PDSS2: variants seen among roughly 807,000 people sequenced by gnomAD.
PDSS2 encodes the protein all trans-polyprenyl-diphosphate synthase PDSS2.
A neutral mutation model predicts 44.5 loss-of-function variants in PDSS2; 31 were observed. That is an observed-to-expected ratio of 0.70 (90% confidence interval 0.52 to 0.94). The LOEUF (loss-of-function observed/expected upper bound fraction) is 0.94. Ranked by LOEUF, PDSS2 falls within the 40% of genes least tolerant of loss-of-function variation. The pLI, the probability that PDSS2 is intolerant of heterozygous loss-of-function variation, is 0.00. For synonymous variants in PDSS2, 157 were observed against 180.3 expected, an observed-to-expected ratio of 0.87 and a Z score of 1.03; for missense variants, 452 against 482.2, an observed-to-expected ratio of 0.94 and a Z score of 0.59.
intron 7 of PDSS2, among the ~76,000 whole-genome samples, chr6:107,169,443 G>C (rs1554248125): frequency 6.6e-6 from 1 of 152,148 alleles, no homozygotes; most frequent in Admixed American, 6.6e-5. Flanking sequence ...TTAGCTCGGA[G>C]AAGTCTGATC....
chr6:107,226,668 AT>A (rs61088823), intron 4 of PDSS2, among the ~76,000 whole-genome samples: 2,604 of 132,190 alleles, frequency 0.02, 47 homozygotes, highest in African/African-American at 0.062. Flanking sequence ...GGATTTTGGA[AT>A]TTTTTTTTTT....
intron 4 of PDSS2, among the ~76,000 whole-genome samples, chr6:107,222,137 A>G (rs970191466): frequency 2.6e-5 from 4 of 152,112 alleles, no homozygotes; most frequent in African/African-American, 4.8e-5. Flanking sequence ...AGCCTTTTCA[A>G]TTATTTTGAG....
intron 2 of PDSS2, among the ~76,000 whole-genome samples, chr6:107,283,155 T>A (rs1441514028): frequency 1.3e-5 from 2 of 150,440 alleles, no homozygotes; most frequent in Non-Finnish European, 3.0e-5. Flanking sequence ...CTCATCTCAA[T>A]GAAAAATGAA....
At chr6:107,296,145 G>T (rs1253166164) in intron 2 of PDSS2, among the ~76,000 whole-genome samples, 3 of 152,274 alleles carry the variant, frequency 2.0e-5, no homozygotes, top group Non-Finnish European at 2.9e-5. Flanking sequence ...TATGACACCT[G>T]AATAACAAGT....
chr6:107,308,362 G>A (rs924968531), intron 2 of PDSS2, among the ~76,000 whole-genome samples: 1 of 152,126 alleles, frequency 6.6e-6, no homozygotes, highest in East Asian at 1.9e-4. Context: ...CTATGTGTTA[G>A]ACCCTAGAAA....
At chr6:107,341,521 A>G (rs1160906417) in intron 1 of PDSS2, among the ~76,000 whole-genome samples, 1 of 152,136 alleles carries the variant, frequency 6.6e-6, no homozygotes, top group Non-Finnish European at 1.5e-5. Flanking sequence ...GAACTGACAG[A>G]TGAGCTTTTA....
intron 7 of PDSS2, among the ~76,000 whole-genome samples, chr6:107,164,829 T>C (rs539942333): frequency 4.1e-4 from 63 of 152,342 alleles, no homozygotes; most frequent in African/African-American, 5.3e-4. Flanking sequence ...CCAGCACCTG[T>C]TGTTTCCTGA....
intron 3 of PDSS2, among the ~76,000 whole-genome samples, chr6:107,269,042 C>T (rs1319620473): frequency 6.6e-6 from 1 of 151,468 alleles, no homozygotes; most frequent in Non-Finnish European, 1.5e-5. Flanking sequence ...TGGGTTCAAG[C>T]GATTCTCCTG....
intron 6 of PDSS2, among the ~76,000 whole-genome samples, chr6:107,198,339 T>A (rs1355986485): frequency 1.3e-5 from 2 of 152,184 alleles, no homozygotes; most frequent in Admixed American, 6.6e-5. Flanking sequence ...AGTAGAAGCC[T>A]ACATAAAATG....
rs200920144 is a variant in PDSS2, at chr6:107,210,597, T to C, written c.877-27A>G. ...TACAAGAAGCAATTAAATGAGTAAA[T>C]TAGTGAAATGTATATACACTAGTAT... On this transcript the variant is annotated intron_variant, in intron 5 of 7. Coordinates refer to ENST00000369037, the MANE Select transcript of PDSS2 (RefSeq NM_020381.4). 52 of 1,473,174 alleles carry C rather than the reference T, an allele frequency of 3.5e-5. No individual in the cohort carries two copies. In the East Asian group the frequency reaches 1.1e-3, roughly 31 times the overall value. 91.3% of individuals were successfully genotyped at this position (1,473,174 alleles called of 1,614,324 possible).
At chr6:107,326,883 A>G (rs1407211514) in intron 2 of PDSS2, among the ~76,000 whole-genome samples, 1 of 152,114 alleles carries the variant, frequency 6.6e-6, no homozygotes, top group Non-Finnish European at 1.5e-5. Flanking sequence ...TTTTACAGAT[A>G]GAATTGGTAT....
chr6:107,288,191 A>G (rs1019945263), intron 2 of PDSS2, among the ~76,000 whole-genome samples: 5 of 152,212 alleles, frequency 3.3e-5, no homozygotes, highest in African/African-American at 7.2e-5. Context: ...ATAGTTTGGT[A>G]ACAACAAATA....
At chr6:107,416,746 A>G (rs1346352074) in intron 1 of PDSS2, among the ~76,000 whole-genome samples, 1 of 152,222 alleles carries the variant, frequency 6.6e-6, no homozygotes, top group African/African-American at 2.4e-5. Flanking sequence ...ATCTAGACTC[A>G]CAAGTCCCGA....
intron 2 of PDSS2, among the ~76,000 whole-genome samples, chr6:107,285,331 T>C (rs995887081): frequency 6.6e-5 from 10 of 152,158 alleles, no homozygotes; most frequent in African/African-American, 2.4e-4. Context: ...AATCTTACTA[T>C]AAAGTTACTG....
chr6:107,424,733 A>G (rs572717798), intron 1 of PDSS2, among the ~76,000 whole-genome samples: 22 of 152,376 alleles, frequency 1.4e-4, no homozygotes, highest in Non-Finnish European at 2.9e-4. Flanking sequence ...TGAAACGACC[A>G]TCATTTAACA....
At chr6:107,362,607 T>C (rs1032824981) in intron 1 of PDSS2, among the ~76,000 whole-genome samples, 2 of 152,164 alleles carry the variant, frequency 1.3e-5, no homozygotes, top group Non-Finnish European at 2.9e-5. Flanking sequence ...CAATATATTG[T>C]CTAAAATATT....
At chr6:107,261,004 G>A (rs1041007220) in intron 3 of PDSS2, among the ~76,000 whole-genome samples, 3 of 151,942 alleles carry the variant, frequency 2.0e-5, no homozygotes, top group Non-Finnish European at 4.4e-5. Context: ...TCCAAAGCCA[G>A]AGCGAGAAAA....
chr6:107,166,661 G>A (rs1369214517), intron 7 of PDSS2, among the ~76,000 whole-genome samples: 3 of 152,106 alleles, frequency 2.0e-5, no homozygotes, highest in African/African-American at 7.2e-5. Context: ...ACCATGCCCG[G>A]CCTTTATTGA....
intron 7 of PDSS2, among the ~76,000 whole-genome samples, chr6:107,169,577 T>G (rs1205231742): frequency 6.6e-6 from 1 of 152,190 alleles, no homozygotes; most frequent in Non-Finnish European, 1.5e-5. Flanking sequence ...TTTTCAGCTT[T>G]TCTGCTCTGT....
Sources: gnomAD v4.1 joint callset for allele counts (sites outside exome capture counted in the v4.1 genomes callset) on GRCh38, gnomAD v4.1.1 for gene constraint, MANE v1.5 for transcripts, NCBI Gene and HGNC (gene_info 2026-07-23, HGNC 2026-07-21) for gene names.